CTNNA2: variants seen among roughly 807,000 people sequenced by gnomAD.
CTNNA2 encodes the protein catenin alpha-2.
In CTNNA2, 42 loss-of-function variants were observed where a neutral mutation model predicts 101.0. The ratio of observed to expected loss-of-function variants is 0.42; its 90% confidence interval spans 0.32 to 0.54. The LOEUF (loss-of-function observed/expected upper bound fraction) is 0.54, where lower values mean the gene tolerates loss of function less well. Among genes scored for constraint, CTNNA2 ranks in the 20% least tolerant of loss-of-function variants. CTNNA2 has a pLI of 0.14. For missense variants in CTNNA2, 871 were observed against 1,223.1 expected (o/e 0.71, Z 4.29); for synonymous variants, 450 against 456.4 (o/e 0.99, Z 0.18).
chr2:79,904,129 T>C (rs1367293936), intron 6 of CTNNA2, among the ~76,000 whole-genome samples: 1 of 152,198 alleles, frequency 6.6e-6, no homozygotes, highest in Non-Finnish European at 1.5e-5. Flanking sequence ...AAGTCTCAGC[T>C]GAGGGATAAA....
At chr2:80,450,970 G>C (rs546589056) in intron 9 of CTNNA2, among the ~76,000 whole-genome samples, 19 of 144,794 alleles carry the variant, frequency 1.3e-4, no homozygotes, top group South Asian at 5.1e-4. Context: ...TGACCATTAA[G>C]GTGTCATTGT....
At chr2:80,062,852 C>T (rs1400867295) in intron 7 of CTNNA2, among the ~76,000 whole-genome samples, 1 of 151,908 alleles carries the variant, frequency 6.6e-6, no homozygotes, top group East Asian at 1.9e-4. Flanking sequence ...ACTACAGGCG[C>T]CCGCCACCAC....
chr2:79,914,584 C>G (rs144049627), intron 7 of CTNNA2, among the ~76,000 whole-genome samples: 2 of 151,886 alleles, frequency 1.3e-5, no homozygotes, highest in Non-Finnish European at 2.9e-5. Flanking sequence ...CTGTGTAGCT[C>G]GAATTTTTTT....
intron 7 of CTNNA2, among the ~76,000 whole-genome samples, chr2:80,191,988 G>C (rs752848229): frequency 6.6e-6 from 1 of 152,140 alleles, no homozygotes; most frequent in Non-Finnish European, 1.5e-5. Context: ...ATTATTCAGA[G>C]CATTAGGACC....
chr2:79,956,857 T>G (rs1169243140), intron 7 of CTNNA2, among the ~76,000 whole-genome samples: 2 of 148,688 alleles, frequency 1.3e-5, no homozygotes, highest in African/African-American at 2.5e-5. Context: ...TTTTTTTTTT[T>G]TTTTTTTTTT....
chr2:80,635,023 T>C (rs1220682884), intron 18 of CTNNA2, among the ~76,000 whole-genome samples: 1 of 152,160 alleles, frequency 6.6e-6, no homozygotes, highest in Non-Finnish European at 1.5e-5. Flanking sequence ...GATCATTCTC[T>C]TCATGTCAAG....
intron 3 of CTNNA2, among the ~76,000 whole-genome samples, chr2:79,765,590 C>T (rs1006305954): frequency 2.6e-5 from 4 of 152,140 alleles, no homozygotes; most frequent in African/African-American, 9.7e-5. Flanking sequence ...AAAGATCTAT[C>T]CCCACATCCC....
At chr2:80,552,715 T>G (rs1386193813) in intron 11 of CTNNA2, among the ~76,000 whole-genome samples, 2 of 152,174 alleles carry the variant, frequency 1.3e-5, no homozygotes, top group Non-Finnish European at 2.9e-5. Context: ...GCTACAAACT[T>G]GTACAGCACG....
chr2:79,969,439 G>A (rs918016149), intron 7 of CTNNA2, among the ~76,000 whole-genome samples: 7 of 152,204 alleles, frequency 4.6e-5, no homozygotes, highest in Non-Finnish European at 1.0e-4. Flanking sequence ...CTAAAGAGAG[G>A]ACTGTCCTTC....
chr2:79,932,066 G>A (rs905090431), intron 7 of CTNNA2, among the ~76,000 whole-genome samples: 2 of 152,174 alleles, frequency 1.3e-5, no homozygotes, highest in African/African-American at 4.8e-5. Context: ...CAAAGCTCAG[G>A]ACCGAGGTAC....
intron 2 of CTNNA2, among the ~76,000 whole-genome samples, chr2:79,289,128 T>C (rs1029988431): frequency 1.3e-5 from 2 of 152,188 alleles, no homozygotes; most frequent in African/African-American, 4.8e-5. Context: ...TTCTTCCAAA[T>C]TGGGCCTTTG....
intron 1 of CTNNA2, among the ~76,000 whole-genome samples, chr2:79,631,986 A>T (rs1679726901): frequency 2.0e-5 from 3 of 152,218 alleles, no homozygotes; most frequent in South Asian, 4.1e-4. Context: ...CACATATTTT[A>T]AAATCCCTGT....
At chr2:79,430,774 T>C (rs1678651234) in intron 4 of CTNNA2, among the ~76,000 whole-genome samples, 2 of 151,402 alleles carry the variant, frequency 1.3e-5, no homozygotes, top group African/African-American at 4.9e-5. Context: ...CTGCAGCTAT[T>C]CCTTATCTAT....
At chr2:79,436,030 C>T (rs912698524) in intron 4 of CTNNA2, among the ~76,000 whole-genome samples, 8 of 152,066 alleles carry the variant, frequency 5.3e-5, no homozygotes, top group African/African-American at 1.9e-4. Flanking sequence ...ACACGGGTTC[C>T]TGACCACTCC....
intron 4 of CTNNA2, among the ~76,000 whole-genome samples, chr2:79,466,377 C>T (rs948873689): frequency 2.6e-5 from 4 of 152,306 alleles, no homozygotes; most frequent in Middle Eastern, 3.4e-3. Context: ...ACAAAGTAGC[C>T]TGGAAGCTCG....
chr2:79,748,002 T>C (rs1671757095), intron 3 of CTNNA2, among the ~76,000 whole-genome samples: 1 of 152,224 alleles, frequency 6.6e-6, no homozygotes, highest in Non-Finnish European at 1.5e-5. Flanking sequence ...CTGCAATCTT[T>C]TCCATACACT....
At chr2:80,633,192 G>A (rs779214986) in intron 18 of CTNNA2, among the ~76,000 whole-genome samples, 16 of 152,164 alleles carry the variant, frequency 1.1e-4, no homozygotes, top group Non-Finnish European at 1.6e-4. Flanking sequence ...TGTGCTGCAT[G>A]ACACATTAAA....
chr2:80,263,839 A>G (rs1462671891), intron 7 of CTNNA2, among the ~76,000 whole-genome samples: 4 of 152,168 alleles, frequency 2.6e-5, no homozygotes, highest in African/African-American at 4.8e-5. Context: ...CCACTGAAAC[A>G]TTTTTTACAG....
intron 7 of CTNNA2, among the ~76,000 whole-genome samples, chr2:80,211,239 C>T (rs1021428904): frequency 2.0e-5 from 3 of 152,056 alleles, no homozygotes; most frequent in Non-Finnish European, 4.4e-5. Context: ...CATTTGTCTA[C>T]TTTGGCTTTT....
Sources: gnomAD v4.1 joint callset for allele counts (sites outside exome capture counted in the v4.1 genomes callset) on GRCh38, gnomAD v4.1.1 for gene constraint, MANE v1.5 for transcripts, NCBI Gene and HGNC (gene_info 2026-07-23, HGNC 2026-07-21) for gene names.